CCDC148: variants seen among roughly 807,000 people sequenced by gnomAD.
The protein encoded by CCDC148 is coiled-coil domain-containing protein 148.
CCDC148 carries 89 observed loss-of-function variants against 85.7 expected under a neutral mutation model. The observed-to-expected ratio is 1.04, with a 90% confidence interval of 0.87 to 1.24. The LOEUF (loss-of-function observed/expected upper bound fraction) is 1.24, where lower values mean the gene tolerates loss of function less well. Ranked by LOEUF, CCDC148 falls within the 50% of genes most tolerant of loss-of-function variation. CCDC148 has a pLI of 0.00. For synonymous variants in CCDC148, 230 were observed against 213.9 expected (o/e 1.08, Z -0.66); for missense variants, 692 against 671.7 (o/e 1.03, Z -0.33).
chr2:158,387,597 C>G (rs1574735132), intron 1 of CCDC148, among the ~76,000 whole-genome samples: 1 of 152,240 alleles, frequency 6.6e-6, no homozygotes. Flanking sequence ...TATTCCATGG[C>G]AGATTCTACC....
At chr2:158,275,468 T>A (rs1367465167) in intron 9 of CCDC148, among the ~76,000 whole-genome samples, 1 of 152,212 alleles carries the variant, frequency 6.6e-6, no homozygotes, top group African/African-American at 2.4e-5. Flanking sequence ...TAGGTAATAA[T>A]TAGGTTTTTC....
chr2:158,377,028 T>C (rs2105284835), intron 1 of CCDC148, among the ~76,000 whole-genome samples: 2 of 152,038 alleles, frequency 1.3e-5, no homozygotes, highest in South Asian at 4.2e-4. Context: ...TCTTCTCTTG[T>C]TTCAATTTTT....
intron 9 of CCDC148, among the ~76,000 whole-genome samples, chr2:158,279,316 C>T (rs984350129): frequency 1.5e-4 from 23 of 152,068 alleles, no homozygotes; most frequent in Admixed American, 8.5e-4. Context: ...AGGCTTCAGA[C>T]GATCAAACTA....
intron 1 of CCDC148, among the ~76,000 whole-genome samples, chr2:158,415,641 G>C (rs1686466167): frequency 6.6e-6 from 1 of 152,130 alleles, no homozygotes; most frequent in African/African-American, 2.4e-5. Flanking sequence ...TCTAAAACAA[G>C]TTATTTACTC....
chr2:158,255,643 T>A (rs544785844), intron 9 of CCDC148, among the ~76,000 whole-genome samples: 1 of 151,838 alleles, frequency 6.6e-6, no homozygotes, highest in African/African-American at 2.4e-5. Context: ...GAGTGAACAG[T>A]GAGCAAAAGG....
intron 11 of CCDC148, among the ~76,000 whole-genome samples, chr2:158,217,409 T>C (rs1574421828): frequency 6.8e-6 from 1 of 147,806 alleles, no homozygotes. Flanking sequence ...CACACATACA[T>C]TTCATTTTTT....
intron 9 of CCDC148, chr2:158,288,882 A>AG (rs772574419): frequency 7.0e-5 from 21 of 300,644 alleles, no homozygotes; most frequent in Non-Finnish European, 1.2e-4. Context: ...TCCACATGGC[A>AG]GGGGAGGCCT....
intron 9 of CCDC148, among the ~76,000 whole-genome samples, chr2:158,283,281 G>C (rs1177013265): frequency 6.6e-6 from 1 of 152,126 alleles, no homozygotes. Flanking sequence ...TGACAAATGG[G>C]ATCTAATTAA....
At position 158,445,064 on chromosome 2, in the gene CCDC148, C is replaced by T. The variant is rs376741020; in HGVS notation, c.25+11351G>A. On this transcript the variant is annotated intron_variant, in intron 1 of 13. Transcript: ENST00000283233. ...AAAGTTCAGAAGCTTATACAGTTCA[C>T]ACTTTTTTTAAGTTTAAAGGTTAAT... Among the ~76,000 whole-genome samples, 27 of 152,088 alleles carry T rather than the reference C, an allele frequency of 1.8e-4. 2 individuals are homozygous for T. Among genetic ancestry groups the T allele is most frequent in the South Asian group, 1.7e-3 (8 of 4,816 alleles).
At chr2:158,235,351 A>G (rs994430560) in intron 10 of CCDC148, among the ~76,000 whole-genome samples, 1 of 152,222 alleles carries the variant, frequency 6.6e-6, no homozygotes, top group African/African-American at 2.4e-5. Context: ...CATTTTTCTT[A>G]TCACCTTGCA....
At chr2:158,269,164 A>C (rs1452127941) in intron 9 of CCDC148, among the ~76,000 whole-genome samples, 1 of 152,146 alleles carries the variant, frequency 6.6e-6, no homozygotes, top group East Asian at 1.9e-4. Context: ...TGGCTGTACC[A>C]ATTTACATGC....
chr2:158,181,242 C>T (rs1365279860), intron 11 of CCDC148, among the ~76,000 whole-genome samples: 1 of 152,152 alleles, frequency 6.6e-6, no homozygotes, highest in Admixed American at 6.6e-5. Context: ...ATAGTTGTTA[C>T]AGTCAGGGGA....
chr2:158,351,583 G>A (rs1451730138), intron 2 of CCDC148, among the ~76,000 whole-genome samples: 2 of 152,232 alleles, frequency 1.3e-5, no homozygotes, highest in African/African-American at 4.8e-5. Flanking sequence ...CTATGCCCAC[G>A]GAGTCTTGCT....
intron 11 of CCDC148, among the ~76,000 whole-genome samples, chr2:158,217,355 T>TATAA (rs1558990118): frequency 8.9e-6 from 1 of 112,654 alleles, no homozygotes; most frequent in Non-Finnish European, 1.8e-5. Context: ...TATATATATA[T>TATAA]AAAATTTTGT....
intron 1 of CCDC148, among the ~76,000 whole-genome samples, chr2:158,406,632 T>TTC (rs1559124705): frequency 7.1e-5 from 10 of 140,672 alleles, no homozygotes; most frequent in South Asian, 4.5e-4. Flanking sequence ...TTTTTTTTTT[T>TTC]TTTTTTTTGA....
At chr2:158,452,658 C>T (rs1688451934) in intron 1 of CCDC148, among the ~76,000 whole-genome samples, 1 of 150,476 alleles carries the variant, frequency 6.6e-6, no homozygotes, top group African/African-American at 2.5e-5. Context: ...TGATTGGCAT[C>T]ATTACCAGTT....
intron 9 of CCDC148, among the ~76,000 whole-genome samples, chr2:158,272,086 T>C (rs1689724101): frequency 6.6e-6 from 1 of 152,200 alleles, no homozygotes; most frequent in South Asian, 2.1e-4. Flanking sequence ...GTTCAGTTGG[T>C]TAATATCAGG....
intron 1 of CCDC148, 114 bp from the exon 2 acceptor site, chr2:158,358,684 C>A: frequency 3.7e-6 from 2 of 542,708 alleles, no homozygotes; most frequent in East Asian, 4.2e-5. Flanking sequence ...TATTTTTAAG[C>A]AAATATAAGA....
At position 158,232,574 on chromosome 2, in the gene CCDC148, C is replaced by T. The variant is rs1163070637; in HGVS notation, c.1252-11861G>A. On this transcript the variant is annotated intron_variant, in intron 10 of 13. Coordinates refer to ENST00000283233, the MANE Select transcript of CCDC148 (RefSeq NM_138803.4). ...AGTTAGGACAAAAGGATTAGAGTAG[C>T]AAATAGTTTGTCTCTTATTTCACGC... 1.3e-5 allele frequency among the ~76,000 whole-genome samples: 2 copies of T among 152,048 alleles called. 1 individual carries two copies. The highest frequency in any genetic ancestry group is 2.9e-5 in the Non-Finnish European group (2 of 67,986).
Sources: gnomAD v4.1 joint callset for allele counts (sites outside exome capture counted in the v4.1 genomes callset) on GRCh38, gnomAD v4.1.1 for gene constraint, MANE v1.5 for transcripts, NCBI Gene and HGNC (gene_info 2026-07-23, HGNC 2026-07-21) for gene names.